Variants in DNAH3 observed in about 807,000 individuals in gnomAD.
DNAH3 encodes the protein dynein axonemal heavy chain 3, also known as axonemal beta dynein heavy chain 3.
DNAH3 carries 332 observed loss-of-function variants against 432.5 expected under a neutral mutation model. The observed-to-expected ratio is 0.77, with a 90% CI of 0.70 to 0.84. The LOEUF (loss-of-function observed/expected upper bound fraction) is 0.84. Ranked by LOEUF, DNAH3 falls within the 40% of genes least tolerant of loss-of-function variation. The pLI is 0.00. For synonymous variants in DNAH3, 1,956 were observed against 1,900.2 expected, an observed-to-expected ratio of 1.03 and a Z score of -0.76; for missense variants, 4,861 against 5,114.0, an observed-to-expected ratio of 0.95 and a Z score of 1.51.
intron 21 of DNAH3, among the ~76,000 whole-genome samples, chr16:21,072,815 ATT>A (rs1235422325): frequency 2.4e-5 from 1 of 42,288 alleles, no homozygotes; most frequent in Non-Finnish European, 5.2e-5. Context: ...TACTCAGCTA[ATT>A]ATTATTATTA....
intron 11 of DNAH3, among the ~76,000 whole-genome samples, chr16:21,118,286 T>C (rs1464113257): frequency 1.3e-5 from 2 of 152,180 alleles, no homozygotes; most frequent in Non-Finnish European, 2.9e-5. Flanking sequence ...TGGCCTAAAC[T>C]ACTTCTCTGA....
chr16:21,097,944 T>A (rs566728063), intron 17 of DNAH3, among the ~76,000 whole-genome samples: 1 of 152,284 alleles, frequency 6.6e-6, no homozygotes, highest in East Asian at 1.9e-4. Flanking sequence ...CAGGGATAAG[T>A]GAGGATAATA....
intron 32 of DNAH3, among the ~76,000 whole-genome samples, chr16:21,041,463 C>G (rs994348166): frequency 6.6e-6 from 1 of 152,162 alleles, no homozygotes; most frequent in Non-Finnish European, 1.5e-5. Flanking sequence ...CTTGAAGCAT[C>G]TCTCTGACTC....
exon 53 of DNAH3, chr16:20,965,129 T>C (rs770369200): frequency 6.2e-7 from 1 of 1,614,178 alleles, no homozygotes; most frequent in Non-Finnish European, 8.5e-7. Context: ...AGCTTCTGCA[T>C]CTGTGCAGCC....
chr16:20,974,579 G>GGTT (rs1555514733), intron 51 of DNAH3, among the ~76,000 whole-genome samples: 2 of 81,830 alleles, frequency 2.4e-5, no homozygotes, highest in African/African-American at 4.8e-5. Context: ...GTTTTATAGT[G>GGTT]TTTTTTTTTT....
intron 11 of DNAH3, chr16:21,120,635 G>T: frequency 1.2e-6 from 1 of 860,066 alleles, no homozygotes; most frequent in Non-Finnish European, 1.9e-6. Flanking sequence ...TTTCCTTATT[G>T]TCTCGTAAAG....
chr16:20,944,532 G>A (rs1211593068), exon 58 of DNAH3: 1 of 1,614,164 alleles, frequency 6.2e-7, no homozygotes, highest in Non-Finnish European at 8.5e-7. Context: ...ACTGTCTAGG[G>A]AGGGTCAGCA....
intron 21 of DNAH3, among the ~76,000 whole-genome samples, chr16:21,072,977 C>G (rs1052453007): frequency 6.6e-6 from 1 of 152,088 alleles, no homozygotes. Flanking sequence ...AGGCACCAAG[C>G]CTGACCAAGT....
At chr16:20,984,934 G>T (rs1378521140) in intron 48 of DNAH3, 115 bp downstream of exon 48, 26 of 909,398 alleles carry the variant, frequency 2.9e-5, no homozygotes, top group Non-Finnish European at 4.3e-5. Context: ...CCCCGAGCTG[G>T]TGCGTTGGCT....
At chr16:21,122,991 G>C (rs1597429061) in intron 9 of DNAH3, among the ~76,000 whole-genome samples, 2 of 151,870 alleles carry the variant, frequency 1.3e-5, no homozygotes, top group East Asian at 1.9e-4. Context: ...ATTTATATGC[G>C]TATCTCAACT....
At position 21,033,420 on chromosome 16, in the gene DNAH3, C is replaced by A. The variant is rs1028581741; in HGVS notation, c.5197+554G>T. 2.0e-5 allele frequency among the ~76,000 whole-genome samples: 3 copies of A among 152,172 alleles called. No individual in the cohort carries two copies. The South Asian group carries it at 6.2e-4, about 32-fold the overall frequency. On this transcript the variant is annotated intron_variant, in intron 36 of 61. Coordinates refer to ENST00000261383, the Ensembl canonical transcript of DNAH3. ...GTAGGCACTGTGCTCAGTTATTTAC[C>A]TGCATGCTGTTACTTAATTCTCATA...
In DNAH3 at chr16:21,136,558, C is replaced by G. The variant is rs534214802; in HGVS notation, c.697-45G>C. 665 of 1,587,176 alleles carry G rather than the reference C, an allele frequency of 4.2e-4. 4 individuals carry two copies. The South Asian group carries it at 7.0e-3, about 17-fold the overall frequency. On this transcript the variant is annotated intron_variant, in intron 5 of 61. Transcript: ENST00000261383. ...AGCGAGAAAATGGTCATGATTGGAT[C>G]ATGGGTTCAACTGTCCTGCCCATCA...
At chr16:21,054,746 A>G (rs979212156) in intron 27 of DNAH3, among the ~76,000 whole-genome samples, 1 of 152,208 alleles carries the variant, frequency 6.6e-6, no homozygotes, top group Non-Finnish European at 1.5e-5. Context: ...AAGGTTTCAT[A>G]CTGCATGATT....
At chr16:21,007,678 C>T (rs1014009955) in intron 41 of DNAH3, among the ~76,000 whole-genome samples, 2 of 151,988 alleles carry the variant, frequency 1.3e-5, no homozygotes, top group African/African-American at 4.8e-5. Context: ...TTGATGTTGT[C>T]CTTTGAAGCA....
At chr16:21,006,945 G>A (rs2087335431) in intron 41 of DNAH3, among the ~76,000 whole-genome samples, 1 of 152,146 alleles carries the variant, frequency 6.6e-6, no homozygotes. Context: ...TAACTTTTGA[G>A]TTAAATTAAA....
At chr16:21,104,476 A>T in exon 16 of DNAH3, 1 of 1,613,652 alleles carries the variant, frequency 6.2e-7, no homozygotes, top group East Asian at 2.2e-5. Flanking sequence ...GGTACCTTTT[A>T]ATCAGATCCA....
chr16:21,081,000 C>T (rs1597333161), intron 20 of DNAH3, among the ~76,000 whole-genome samples: 1 of 152,216 alleles, frequency 6.6e-6, no homozygotes, highest in East Asian at 1.9e-4. Flanking sequence ...TCACTGCAAC[C>T]TCCACCTCCT....
intron 54 of DNAH3, among the ~76,000 whole-genome samples, chr16:20,956,071 G>A (rs923056660): frequency 1.3e-5 from 2 of 151,732 alleles, no homozygotes; most frequent in Admixed American, 1.3e-4. Flanking sequence ...GGGACTACAG[G>A]TGCCCGCCAC....
At chr16:21,127,554 C>T (rs2032648792) in intron 8 of DNAH3, 133 bp downstream of exon 9, 1 of 1,099,934 alleles carries the variant, frequency 9.1e-7, no homozygotes, top group African/African-American at 1.6e-5. Context: ...GAAAGAGACT[C>T]TGTCTCAAAA....
Sources: gnomAD v4.1 joint callset for allele counts (sites outside exome capture counted in the v4.1 genomes callset) on GRCh38, gnomAD v4.1.1 for gene constraint, MANE v1.5 for transcripts, NCBI Gene and HGNC (gene_info 2026-07-23, HGNC 2026-07-21) for gene names.